Variants in EIF2S2 observed in about 807,000 individuals in gnomAD.
The protein encoded by EIF2S2 is eukaryotic translation initiation factor 2 subunit beta.
EIF2S2 carries 4 observed loss-of-function variants against 44.0 expected under a neutral mutation model. That is an observed-to-expected ratio of 0.09 (90% CI 0.04 to 0.21). The LOEUF is 0.21. Among genes scored for constraint, EIF2S2 ranks in the 10% least tolerant of loss-of-function variants. EIF2S2 has a pLI of 1.00. For missense variants in EIF2S2, 154 were observed against 392.0 expected, an observed-to-expected ratio of 0.39 and a Z score of 5.13; for synonymous variants, 108 against 128.3, an observed-to-expected ratio of 0.84 and a Z score of 1.07.
At chr20:34,107,339 T>C (rs979501433) in intron 1 of EIF2S2, among the ~76,000 whole-genome samples, 3 of 152,200 alleles carry the variant, frequency 2.0e-5, no homozygotes, top group Non-Finnish European at 2.9e-5. Context: ...ACAGCGTTAA[T>C]AGTAAAGTGT....
intron 3 of EIF2S2, 110 bp from the exon 4 acceptor site, chr20:34,098,743 G>A: frequency 7.6e-7 from 1 of 1,313,412 alleles, no homozygotes; most frequent in Non-Finnish European, 1.0e-6. Context: ...GCTCAGGCTA[G>A]TCTCAAACTC....
At position 34,097,522 on chromosome 20, in the gene EIF2S2, G is replaced by T. The variant is rs772285374; in HGVS notation, c.434-6C>A. 1.5e-5 allele frequency: 24 copies of T among 1,610,374 alleles called. No individual in the cohort carries two copies. In the South Asian group the frequency reaches 2.4e-4, roughly 16 times the overall value. On this transcript the variant is annotated splice_region_variant and splice_polypyrimidine_tract_variant and intron_variant, in intron 4 of 8. Coordinates refer to ENST00000374980, the MANE Select transcript of EIF2S2 (RefSeq NM_003908.5). ...GTTGTCTTCATCTTCTAGAGCTACA[G>T]ATAAAAAAGATTTTAAGAATGAGGG...
At chr20:34,112,029 C>T in intron 1 of EIF2S2, 67 bp downstream of exon 1, 1 of 1,345,532 alleles carries the variant, frequency 7.4e-7, no homozygotes, top group Non-Finnish European at 9.7e-7. Flanking sequence ...GGCCCGTTCT[C>T]CCACACTGGA....
At chr20:34,092,684 C>CAA (rs2122393541) in intron 7 of EIF2S2, among the ~76,000 whole-genome samples, 1 of 152,040 alleles carries the variant, frequency 6.6e-6, no homozygotes, top group East Asian at 1.9e-4. Flanking sequence ...CAAAACAAAA[C>CAA]AACAAAACCC....
intron 7 of EIF2S2, among the ~76,000 whole-genome samples, 183 bp from the exon 8 acceptor site, chr20:34,090,785 GT>G (rs1270402859): frequency 2.6e-5 from 4 of 152,252 alleles, no homozygotes; most frequent in Non-Finnish European, 5.9e-5. Context: ...CTCACACTCT[GT>G]CGCCCAGACT....
intron 3 of EIF2S2, among the ~76,000 whole-genome samples, chr20:34,099,365 A>C (rs1306309288): frequency 6.6e-6 from 1 of 152,168 alleles, no homozygotes; most frequent in East Asian, 1.9e-4. Flanking sequence ...CTCAAAGAAA[A>C]AAAAAAAAAA....
Position 34,112,101 on chromosome 20 carries a change from C to T in EIF2S2, c.10G>A (p.Asp4Asn). 5.7e-6 allele frequency: 9 copies of T among 1,565,940 alleles called. No homozygotes were observed. The highest frequency in any genetic ancestry group is 7.8e-6 in the Non-Finnish European group (9 of 1,153,920). The change falls in exon 1 of 9, where the codon GAC becomes AAC. Residue 4 changes from aspartate to asparagine, a missense_variant. Around this residue, in one of 2 missense-constraint regions of EIF2S2, gnomAD observed 134 missense variants for 225.0 expected, o/e 0.60. Coordinates refer to ENST00000374980, the MANE Select transcript of EIF2S2 (RefSeq NM_003908.5). ...CGCCGGGCTCAGATCCTCACCTCGTCCCCAGACATGGCTGCGGCTCGAGTG... is the reference window on the plus strand; with the variant it reads ...CGCCGGGCTCAGATCCTCACCTCGTTCCCAGACATGGCTGCGGCTCGAGTG... The part of the protein sequence containing the change: MSG[D>N]EMIFDPTMSK...
chr20:34,107,658 T>G (rs1450306803), intron 1 of EIF2S2, among the ~76,000 whole-genome samples: 1 of 152,208 alleles, frequency 6.6e-6, no homozygotes, highest in African/African-American at 2.4e-5. Flanking sequence ...TTCCCAAACA[T>G]ATAAAACTCT....
At chr20:34,098,774 C>T (rs1040037723) in intron 3 of EIF2S2, 141 bp from the exon 4 acceptor site, 8 of 986,016 alleles carry the variant, frequency 8.1e-6, no homozygotes, top group African/African-American at 4.9e-5. Context: ...GAGATCCTCC[C>T]GCCCTGGCCT....
chr20:34,090,681 T>C, intron 7 of EIF2S2, 79 bp from the exon 8 acceptor site: 1 of 808,194 alleles, frequency 1.2e-6, no homozygotes, highest in Admixed American at 2.9e-5. Context: ...TTAAACTTAA[T>C]GAACTTAAAA....
At chr20:34,100,323 A>C (rs779696981) in intron 3 of EIF2S2, among the ~76,000 whole-genome samples, 1 of 152,064 alleles carries the variant, frequency 6.6e-6, no homozygotes, top group Admixed American at 6.5e-5. Context: ...CCAACTGATT[A>C]CATTATTAAC....
chr20:34,110,250 T>C (rs2034397792), intron 1 of EIF2S2, among the ~76,000 whole-genome samples: 1 of 152,204 alleles, frequency 6.6e-6, no homozygotes, highest in Non-Finnish European at 1.5e-5. Flanking sequence ...GTACAGAGTT[T>C]TATCTGATCC....
At chr20:34,091,206 A>C (rs1405513752) in intron 7 of EIF2S2, among the ~76,000 whole-genome samples, 3 of 152,232 alleles carry the variant, frequency 2.0e-5, no homozygotes, top group African/African-American at 7.2e-5. Context: ...TCCATCCAAC[A>C]AAGGAAAAAA....
chr20:34,096,762 T>C lies in EIF2S2; in HGVS notation c.578A>G (p.Asp193Gly), dbSNP rs1275702646. The C allele has an allele frequency of 1.9e-6, 3 of 1,612,240 alleles. No homozygotes were observed. Among genetic ancestry groups the C allele is most frequent in the Non-Finnish European group, 2.5e-6 (3 of 1,179,658 alleles). ...VFNIMREKNP[D>G]MVAGEKRKFV... ...TTTCCTTTTCTCCCCAGCAACCATA[T>C]CTGGATTCTTTTCCCTCATGATGTT... The change falls in exon 6 of 9, where the codon GAT (aspartate) becomes GGT (glycine). Residue 193 changes from aspartate to glycine, a missense_variant. By Grantham distance (94) the Asp-to-Gly change is moderately conservative (BLOSUM62 -1). Transcript: ENST00000374980.
intron 5 of EIF2S2, 144 bp downstream of exon 5, chr20:34,097,272 T>C (rs1046648932): frequency 4.3e-6 from 3 of 692,734 alleles, no homozygotes; most frequent in East Asian, 5.4e-5. Context: ...GCACCAGGAA[T>C]TGCTGTGCAC....
intron 2 of EIF2S2, 102 bp from the exon 3 acceptor site, chr20:34,103,667 C>T (rs1335779119): frequency 7.4e-7 from 1 of 1,351,960 alleles, no homozygotes; most frequent in Non-Finnish European, 9.6e-7. Context: ...CCAGAAAAGA[C>T]TGACTATTAA....
At chr20:34,105,308 A>G (rs2034335905) in intron 2 of EIF2S2, 60 bp downstream of exon 2, 2 of 1,568,860 alleles carry the variant, frequency 1.3e-6, no homozygotes, top group East Asian at 4.5e-5. Flanking sequence ...CCAAAAGCCA[A>G]AACGCTCATA....
intron 4 of EIF2S2, among the ~76,000 whole-genome samples, 167 bp from the exon 5 acceptor site, chr20:34,097,683 T>C (rs2034246302): frequency 6.6e-6 from 1 of 152,198 alleles, no homozygotes; most frequent in Non-Finnish European, 1.5e-5. Flanking sequence ...CCCTTTTCCT[T>C]AGAAACAGGG....
intron 7 of EIF2S2, among the ~76,000 whole-genome samples, chr20:34,091,727 A>G (rs1241426663): frequency 6.8e-6 from 1 of 146,618 alleles, no homozygotes; most frequent in African/African-American, 2.5e-5. Context: ...TCAAAAAAAA[A>G]AAAAAACCCC....
Sources: allele counts gnomAD v4.1 joint callset (sites outside exome capture counted in the v4.1 genomes callset), GRCh38; gene constraint gnomAD v4.1.1; regional missense constraint gnomAD v4.1.1; transcripts MANE v1.5; gene names NCBI Gene and HGNC (gene_info 2026-07-23, HGNC 2026-07-21).